Variants in DLG2 observed in about 807,000 individuals in gnomAD.
DLG2 encodes discs large MAGUK scaffold protein 2, also known as disks large homolog 2.
In DLG2, 45 loss-of-function variants were observed where a neutral mutation model predicts 132.5. That is an observed-to-expected ratio of 0.34 (90% CI 0.27 to 0.44). The LOEUF (loss-of-function observed/expected upper bound fraction) is 0.44. Among genes scored for constraint, DLG2 ranks in the 20% least tolerant of loss-of-function variants. The pLI is 1.00. For missense variants in DLG2, 1,045 were observed against 1,196.9 expected, an observed-to-expected ratio of 0.87 and a Z score of 1.87; for synonymous variants, 424 against 419.6, an observed-to-expected ratio of 1.01 and a Z score of -0.13.
intron 10 of DLG2, among the ~76,000 whole-genome samples, chr11:84,097,824 G>A (rs2097186820): frequency 6.6e-6 from 1 of 152,006 alleles, no homozygotes; most frequent in African/African-American, 2.4e-5. Flanking sequence ...TATTCTTCCT[G>A]AAAAATCTCT....
chr11:84,354,985 A>G (rs904552938), intron 7 of DLG2, among the ~76,000 whole-genome samples: 1 of 152,132 alleles, frequency 6.6e-6, no homozygotes, highest in African/African-American at 2.4e-5. Flanking sequence ...AACATTTACT[A>G]TATAGCAAGC....
intron 6 of DLG2, among the ~76,000 whole-genome samples, chr11:84,719,357 C>A (rs2061550381): frequency 1.3e-5 from 2 of 152,202 alleles, no homozygotes; most frequent in Non-Finnish European, 1.5e-5. Context: ...CTCTCTTTCT[C>A]TCTCTCTCTC....
intron 14 of DLG2, among the ~76,000 whole-genome samples, chr11:83,955,027 G>A (rs1565794134): frequency 6.6e-6 from 1 of 152,080 alleles, no homozygotes; most frequent in East Asian, 1.9e-4. Flanking sequence ...ATAATTTGAG[G>A]ATATTTGCCA....
intron 6 of DLG2, among the ~76,000 whole-genome samples, chr11:85,084,430 T>C (rs551848728): frequency 1.2e-4 from 19 of 152,338 alleles, no homozygotes; most frequent in Non-Finnish European, 2.6e-4. Flanking sequence ...AAAGCATGAA[T>C]TTCTGTTGAG....
chr11:84,022,373 G>A (rs574896542), intron 11 of DLG2, among the ~76,000 whole-genome samples: 6 of 152,238 alleles, frequency 3.9e-5, no homozygotes, highest in Admixed American at 2.6e-4. Context: ...ACACAACCAA[G>A]CTCAACAACA....
At chr11:84,702,818 G>T (rs78421633) in intron 6 of DLG2, among the ~76,000 whole-genome samples, 251 of 151,730 alleles carry the variant, frequency 1.7e-3, no homozygotes, top group African/African-American at 5.7e-3. Flanking sequence ...ACTCCATGAA[G>T]GAGGGACTAC....
rs59301159 is a variant in DLG2, at chr11:84,784,143, C to CAAAAAAAAAAA, written c.358-249423_358-249413dup. On this transcript the variant is annotated intron_variant, in intron 6 of 27. Transcript: ENST00000376104. Reference sequence around the variant, plus strand: ...TGAAACCCCATCTCTACTAAAAATGCAAAAAAAAAAAAAAAAAAAAAAAAA... The same window carrying CAAAAAAAAAAA: ...TGAAACCCCATCTCTACTAAAAATGCAAAAAAAAAAAAAAAAAAAAAAAAAAAAAAAAAAAA... 6.9e-4 allele frequency among the ~76,000 whole-genome samples: 6 copies of CAAAAAAAAAAA among 8,656 alleles called. 2 individuals carry two copies. Among genetic ancestry groups the CAAAAAAAAAAA allele is most frequent in the Admixed American group, 5.0e-3 (2 of 402 alleles). The allele number at this position is 8,656 out of a possible 152,430, so 5.7% of individuals were successfully genotyped here.
intron 7 of DLG2, among the ~76,000 whole-genome samples, chr11:84,465,632 T>C (rs2099092273): frequency 6.6e-6 from 1 of 151,252 alleles, no homozygotes. Flanking sequence ...TTATAGTACA[T>C]AGGAAAATTC....
intron 3 of DLG2, among the ~76,000 whole-genome samples, chr11:85,305,679 A>AT (rs2079893196): frequency 6.6e-6 from 1 of 152,046 alleles, no homozygotes; most frequent in East Asian, 1.9e-4. Context: ...TGCCTGGCTA[A>AT]TTTTTTGTAT....
intron 3 of DLG2, among the ~76,000 whole-genome samples, chr11:85,512,552 T>C (rs903693529): frequency 2.0e-5 from 3 of 152,106 alleles, no homozygotes; most frequent in African/African-American, 4.8e-5. Context: ...GTGCCTACTT[T>C]ACTGTCACTG....
intron 7 of DLG2, among the ~76,000 whole-genome samples, chr11:84,518,246 T>A (rs1465088877): frequency 6.7e-6 from 1 of 149,072 alleles, no homozygotes; most frequent in Non-Finnish European, 1.5e-5. Flanking sequence ...TATCACACAC[T>A]GATCTTTTTG....
chr11:84,701,054 A>G (rs1259435017), intron 6 of DLG2, among the ~76,000 whole-genome samples: 1 of 151,496 alleles, frequency 6.6e-6, no homozygotes, highest in Non-Finnish European at 1.5e-5. Context: ...CTGGGTGAAC[A>G]CTGTAGGTCT....
At chr11:83,617,188 A>C (rs1419169809) in intron 19 of DLG2, among the ~76,000 whole-genome samples, 1 of 152,206 alleles carries the variant, frequency 6.6e-6, no homozygotes, top group Non-Finnish European at 1.5e-5. Flanking sequence ...CAAATAAATA[A>C]AAAATATCTT....
intron 6 of DLG2, among the ~76,000 whole-genome samples, chr11:84,708,856 C>A (rs1415466929): frequency 1.3e-5 from 2 of 151,872 alleles, no homozygotes; most frequent in Admixed American, 1.3e-4. Flanking sequence ...GGCAGGCCTG[C>A]AGAATCCCAA....
intron 10 of DLG2, among the ~76,000 whole-genome samples, chr11:84,088,934 G>A (rs2097041726): frequency 6.6e-6 from 1 of 152,122 alleles, no homozygotes; most frequent in Non-Finnish European, 1.5e-5. Flanking sequence ...AAACAATGAT[G>A]AAATAAATGT....
chr11:84,350,185 A>C (rs57666332), intron 7 of DLG2, among the ~76,000 whole-genome samples: 5,408 of 108,132 alleles, frequency 0.05, 72 homozygotes, highest in Non-Finnish European at 0.055. Flanking sequence ...CCCCCCCCCC[A>C]AAAAAAAAAA....
At chr11:84,325,394 A>T (rs1427952789) in intron 7 of DLG2, among the ~76,000 whole-genome samples, 1 of 151,112 alleles carries the variant, frequency 6.6e-6, no homozygotes, top group Non-Finnish European at 1.5e-5. Flanking sequence ...CTGGTATGTG[A>T]TGTTCCCCTT....
chr11:83,857,091 C>T (rs142412559), intron 16 of DLG2, among the ~76,000 whole-genome samples: 153 of 152,270 alleles, frequency 1.0e-3, no homozygotes, highest in African/African-American at 3.6e-3. Flanking sequence ...ATCTTTTCCC[C>T]ATTGCTTATT....
intron 6 of DLG2, among the ~76,000 whole-genome samples, chr11:84,772,661 T>C (rs2069634954): frequency 6.6e-6 from 1 of 152,042 alleles, no homozygotes; most frequent in African/African-American, 2.4e-5. Flanking sequence ...ACCACACAAT[T>C]ACATGGAAAT....
Sources: allele counts gnomAD v4.1 joint callset (sites outside exome capture counted in the v4.1 genomes callset), GRCh38; gene constraint gnomAD v4.1.1; transcripts MANE v1.5; gene names NCBI Gene and HGNC (gene_info 2026-07-23, HGNC 2026-07-21).